GLP1R: variants seen among roughly 807,000 people sequenced by gnomAD.
The protein encoded by GLP1R is glucagon-like peptide 1 receptor.
Under a neutral mutation model 68.4 loss-of-function variants are expected in GLP1R, and 32 were observed. That is an observed-to-expected ratio of 0.47 (90% CI 0.35 to 0.63). The LOEUF (loss-of-function observed/expected upper bound fraction) is 0.63, where lower values mean the gene tolerates loss of function less well. GLP1R is among the 20% of genes least tolerant of loss of function. GLP1R has a pLI of 0.00. For synonymous variants in GLP1R, 263 were observed against 244.4 expected (o/e 1.08, Z -0.71); for missense variants, 502 against 594.9 (o/e 0.84, Z 1.62).
Position 39,073,721 on chromosome 6 carries a change from G to A in GLP1R, c.775G>A (p.Val259Ile), listed in dbSNP as rs201431571. Reference protein sequence around the residue: ...VYLYTLLAFSVLSEQWIFRLY... With the variant: ...VYLYTLLAFSILSEQWIFRLY... ...CCTGTACACACTGCTGGCCTTCTCGGTCTTATCTGAGCAATGGATCTTCAG... is the reference window on the plus strand; with the variant it reads ...CCTGTACACACTGCTGGCCTTCTCGATCTTATCTGAGCAATGGATCTTCAG... Residue 259 changes from valine to isoleucine, a missense_variant, in exon 7 of 13, where the codon GTC becomes ATC. Val to Ile is a conservative substitution (Grantham distance 29). Transcript: ENST00000373256. 1.5e-5 allele frequency: 24 copies of A among 1,613,938 alleles called. No individual in the cohort carries two copies. The African/African-American group carries it at 2.4e-4, about 16-fold the overall frequency.
rs765909834 is a variant in GLP1R at position 39,087,023 on chromosome 6, G to A, written c.*950G>A. 6.6e-6 allele frequency: 1 copy of A among 152,198 alleles called. No homozygotes were observed. The highest frequency in any genetic ancestry group is 1.5e-5 in the Non-Finnish European group (1 of 68,052). 9.4% of individuals were successfully genotyped at this position (152,198 alleles called of 1,614,324 possible). ...AATACTTTATCTGTGACCACACGCT[G>A]TCTCTTGAGAATTTGGATACACTCT... On this transcript the variant is annotated 3_prime_UTR_variant, in exon 13 of 13. Coordinates refer to ENST00000373256, the MANE Select transcript of GLP1R (RefSeq NM_002062.5).
At position 39,090,662 on chromosome 6, in the gene GLP1R, T is replaced by C. The variant is rs919013986; in HGVS notation, c.*4589T>C. Among the ~76,000 whole-genome samples, 33 of 152,288 alleles carry C rather than the reference T, an allele frequency of 2.2e-4. No individual in the cohort carries two copies. The highest frequency in any genetic ancestry group is 7.7e-4 in the African/African-American group (32 of 41,548). On this transcript the variant is annotated 3_prime_UTR_variant, in exon 13 of 13. Coordinates refer to ENST00000373256, the MANE Select transcript of GLP1R (RefSeq NM_002062.5). ...TAACTTACATTGGGTGGTGCAACCT[T>C]TCTGACGGGGCCTGCCAAACTATCA...
chr6:39,061,107 G>A (rs1768346739), intron 3 of GLP1R, among the ~76,000 whole-genome samples: 1 of 152,228 alleles, frequency 6.6e-6, no homozygotes, highest in Non-Finnish European at 1.5e-5. Context: ...GCCAGGCCAC[G>A]GGCCTCGGAA....
At chr6:39,066,002 T>A (rs3765466) in intron 4 of GLP1R, among the ~76,000 whole-genome samples, 173 bp downstream of exon 4, 67,935 of 151,956 alleles carry the variant, frequency 0.45, 15,825 homozygotes, top group Admixed American at 0.51. Flanking sequence ...TGTATTCACC[T>A]CTCTGGCCTT....
intron 11 of GLP1R, 80 bp from the exon 12 acceptor site, chr6:39,080,618 C>T: frequency 1.1e-6 from 1 of 930,380 alleles, no homozygotes; most frequent in Non-Finnish European, 1.7e-6. Context: ...GGATGGAGTC[C>T]CAAAGTGCTT....
chr6:39,068,294 G>A (rs12201075), intron 5 of GLP1R, among the ~76,000 whole-genome samples: 68,994 of 151,742 alleles, frequency 0.45, 16,351 homozygotes, highest in Non-Finnish European at 0.51. Context: ...AAGTCTCCCC[G>A]AAGCCCCACT....
intron 5 of GLP1R, among the ~76,000 whole-genome samples, chr6:39,068,171 C>T (rs755796786): frequency 1.3e-5 from 2 of 151,972 alleles, no homozygotes; most frequent in Non-Finnish European, 2.9e-5. Flanking sequence ...GTAACTGGTC[C>T]CAAGTAAATC....
intron 3 of GLP1R, among the ~76,000 whole-genome samples, chr6:39,058,809 GT>G (rs1768283202): frequency 6.6e-6 from 1 of 152,234 alleles, no homozygotes; most frequent in South Asian, 2.1e-4. Flanking sequence ...AGCACAAAAA[GT>G]TTAAGTCACT....
rs1387596292 is a variant in GLP1R at position 39,049,391 on chromosome 6, G to A, written c.78+473G>A. ...TGCTCAAAGACCCTGAGAAGACCCT[G>A]GGAGGAGCTGAGAGGGCCAGGGTGC... On this transcript the variant is annotated intron_variant, in intron 1 of 12. Transcript: ENST00000373256. This position sits in a 1 kb window ranked among gnomAD's most constrained non-coding sequence, Gnocchi z 4.5. Among the ~76,000 whole-genome samples the A allele has an allele frequency of 6.6e-6, 1 of 152,116 alleles. No homozygotes were observed. Among genetic ancestry groups the A allele is most frequent in the Non-Finnish European group, 1.5e-5 (1 of 68,016 alleles).
At position 39,080,715 on chromosome 6, in the gene GLP1R, A is replaced by C. The variant is rs1126476; in HGVS notation, c.1200A>C (p.Ile400=). 808,831 of 1,592,520 alleles carry C rather than the reference A, an allele frequency of 0.51. 207,047 individuals carry two copies. Among genetic ancestry groups the C allele is most frequent in the Admixed American group, 0.54 (31,446 of 57,852 alleles). ...FTSFQGLMVA[I]LYCFVNNEVQ... ...GTTTCCAGGGGCTGATGGTGGCCATATTATACTGCTTTGTCAACAATGAGG... is the reference window on the plus strand; with the variant it reads ...GTTTCCAGGGGCTGATGGTGGCCATCTTATACTGCTTTGTCAACAATGAGG... Residue 400 remains isoleucine, a synonymous_variant, in exon 12 of 13, where the codon ATA becomes ATC. Coordinates refer to ENST00000373256, the MANE Select transcript of GLP1R (RefSeq NM_002062.5).
rs3765468 is a variant in GLP1R at position 39,065,817 on chromosome 6, G to A, written c.390G>A (p.Lys130=). The change falls in exon 4 of 13, where the codon AAG becomes AAA. Residue 130 remains lysine (K), a synonymous_variant. Coordinates refer to ENST00000373256, the MANE Select transcript of GLP1R (RefSeq NM_002062.5). ...WRDLSECEES[K]RGERSSPEEQ... is the part of the protein sequence containing the mutation. ...ACTTGTCGGAGTGCGAGGAGTCCAA[G>A]CGAGGGGAAAGAGTGAGTTGAGGCG... is the stretch of plus-strand genomic sequence containing the variant. The A allele has an allele frequency of 0.082, 130,649 of 1,594,988 alleles. 6,412 individuals are homozygous for A. The highest frequency in any genetic ancestry group is 0.21 in the East Asian group (9,396 of 44,586).
In GLP1R at chr6:39,079,098, G is replaced by T. The variant is rs1427837223; in HGVS notation, c.955-14G>T. On this transcript the variant is annotated splice_polypyrimidine_tract_variant and intron_variant, in intron 9 of 12. Coordinates refer to ENST00000373256, the MANE Select transcript of GLP1R (RefSeq NM_002062.5). This position sits in a 1 kb window ranked among gnomAD's most constrained non-coding sequence, Gnocchi z 4.5. ...GGCTGGTGCCCCCTGCCAATCCCCG[G>T]CCCCACCCCGCAGGTGAACTTCCTC... 6.2e-7 allele frequency: 1 copy of T among 1,613,392 alleles called. No homozygotes were observed. Among genetic ancestry groups the T allele is most frequent in the African/African-American group, 1.3e-5 (1 of 75,008 alleles).
At chr6:39,053,447 C>T (rs1428785917) in intron 1 of GLP1R, among the ~76,000 whole-genome samples, 2 of 152,228 alleles carry the variant, frequency 1.3e-5, no homozygotes, top group African/African-American at 4.8e-5. Flanking sequence ...TTCATTTCCT[C>T]TTTCTGGGAA....
At position 39,056,365 on chromosome 6, in the gene GLP1R, C is replaced by G. The variant is rs761096622; in HGVS notation, c.79-32C>G. On this transcript the variant is annotated intron_variant, in intron 1 of 12. Coordinates refer to ENST00000373256, the MANE Select transcript of GLP1R (RefSeq NM_002062.5). ...GGGGCAGGAGAGGGGCTGGCTGAAC[C>G]CACAGGCCTCCCATATATGCCCTCC... 7.7e-6 allele frequency: 9 copies of G among 1,163,306 alleles called. No individual in the cohort carries two copies. The African/African-American group carries it at 1.4e-4, about 18-fold the overall frequency. 72.1% of individuals were successfully genotyped at this position (1,163,306 alleles called of 1,614,324 possible).
In GLP1R at chr6:39,086,029, G is replaced by A. The variant is rs1769136580; in HGVS notation, c.1348G>A (p.Gly450Ser). 3 of 1,613,878 alleles carry A rather than the reference G, an allele frequency of 1.9e-6. No homozygotes were observed. The highest frequency in any genetic ancestry group is 2.5e-6 in the Non-Finnish European group (3 of 1,179,958). Residue 450 changes from glycine (G) to serine (S), a missense_variant, in exon 13 of 13, where the codon GGC (glycine) becomes AGC (serine). Transcript: ENST00000373256. The surrounding 1 kb of genome is among the most constrained non-coding windows in gnomAD (Gnocchi z 4.5). The part of the protein sequence containing the change: ...TSSLSSGATA[G>S]SSMYTATCQA... ...CAGCCTGAGCAGTGGAGCCACGGCG[G>A]GCAGCAGCATGTACACAGCCACTTG... is the stretch of plus-strand genomic sequence containing the variant.
intron 7 of GLP1R, 37 bp downstream of exon 7, chr6:39,073,806 C>CG: frequency 1.3e-6 from 2 of 1,598,366 alleles, no homozygotes; most frequent in Non-Finnish European, 1.7e-6. Flanking sequence ...ACCTGTGGCA[C>CG]GGGGGTGGGA....
rs1254544582 is a variant in GLP1R, at chr6:39,090,327, A to G, written c.*4254A>G. Among the ~76,000 whole-genome samples the G allele has an allele frequency of 6.6e-6, 1 of 152,268 alleles. No homozygotes were observed. Reference sequence around the variant, plus strand: ...TAACTCCCCAAGTCTCTTGGAATATATATGTATCTGAATCTCTCAGAGGAG... The same window carrying G: ...TAACTCCCCAAGTCTCTTGGAATATGTATGTATCTGAATCTCTCAGAGGAG... On this transcript the variant is annotated 3_prime_UTR_variant, in exon 13 of 13. Coordinates refer to ENST00000373256, the MANE Select transcript of GLP1R (RefSeq NM_002062.5).
At chr6:39,059,803 G>A (rs1178039647) in intron 3 of GLP1R, among the ~76,000 whole-genome samples, 1 of 152,132 alleles carries the variant, frequency 6.6e-6, no homozygotes, top group African/African-American at 2.4e-5. Context: ...GTAGGACAGG[G>A]CCCATCACTC....
At chr6:39,048,981 G>A in intron 1 of GLP1R, 63 bp downstream of exon 1, 1 of 665,438 alleles carries the variant, frequency 1.5e-6, no homozygotes, top group Non-Finnish European at 2.3e-6. Flanking sequence ...TGCAGGCGCA[G>A]TGTCCTGGTG....
Sources: allele counts gnomAD v4.1 joint callset (sites outside exome capture counted in the v4.1 genomes callset), GRCh38; gene constraint gnomAD v4.1.1; non-coding constraint Gnocchi (gnomAD v3.1); transcripts MANE v1.5; gene names NCBI Gene and HGNC (gene_info 2026-07-23, HGNC 2026-07-21).